OXCT1: variants seen among roughly 807,000 people sequenced by gnomAD.
The protein encoded by OXCT1 is 3-oxoacid CoA-transferase 1.
Under a neutral mutation model 69.6 loss-of-function variants are expected in OXCT1, and 27 were observed. That is an observed-to-expected ratio of 0.39 (90% CI 0.29 to 0.54). OXCT1 has a LOEUF of 0.54. Among genes scored for constraint, OXCT1 ranks in the 20% least tolerant of loss-of-function variants. The pLI is 0.72. For missense variants in OXCT1, 437 were observed against 650.2 expected, an observed-to-expected ratio of 0.67 and a Z score of 3.57; for synonymous variants, 202 against 217.8, an observed-to-expected ratio of 0.93 and a Z score of 0.64.
intron 2 of OXCT1, among the ~76,000 whole-genome samples, chr5:41,861,981 T>A (rs1749759239): frequency 6.6e-6 from 1 of 152,022 alleles, no homozygotes; most frequent in Admixed American, 6.6e-5. Context: ...GAGGCCAAGG[T>A]GGGCAGATGA....
intron 13 of OXCT1, among the ~76,000 whole-genome samples, chr5:41,791,332 T>C (rs1745904654): frequency 6.6e-6 from 1 of 152,206 alleles, no homozygotes; most frequent in African/African-American, 2.4e-5. Flanking sequence ...TCAACTAGAC[T>C]TCCATGATGT....
intron 11 of OXCT1, among the ~76,000 whole-genome samples, chr5:41,798,486 C>T (rs1377121042): frequency 1.3e-5 from 2 of 152,058 alleles, no homozygotes; most frequent in Non-Finnish European, 2.9e-5. Flanking sequence ...TGTTACTCCC[C>T]CAGGTGTGAC....
rs72746923 is a variant in OXCT1 at position 41,737,726 on chromosome 5, T to C, written c.1521+1664A>G. On this transcript the variant is annotated intron_variant, in intron 16 of 16. Coordinates refer to ENST00000196371, the MANE Select transcript of OXCT1 (RefSeq NM_000436.4). ...GGTAGAGTACCAGGAACAGTTATTA[T>C]ATGGATAATGAACTATGAAACAAAA... Among the ~76,000 whole-genome samples, 762 of 152,318 alleles carry C rather than the reference T, an allele frequency of 5.0e-3. 3 individuals carry two copies. The highest frequency in any genetic ancestry group is 7.8e-3 in the Non-Finnish European group (533 of 68,026).
rs1052631223 is a variant in OXCT1 at position 41,806,296 on chromosome 5, A to G, written c.841-615T>C. 2.6e-5 allele frequency among the ~76,000 whole-genome samples: 4 copies of G among 151,998 alleles called. No individual in the cohort carries two copies. In the South Asian group the frequency reaches 8.3e-4, roughly 32 times the overall value. The stretch of plus-strand genomic sequence containing the variant: ...GTATTATAAAATGTCTTCCTGTTTG[A>G]TATCTACAAGGTAGTGGGTATCTCT... On this transcript the variant is annotated intron_variant, in intron 8 of 16. Coordinates refer to ENST00000196371, the MANE Select transcript of OXCT1 (RefSeq NM_000436.4).
chr5:41,818,817 C>G (rs1370287753), intron 7 of OXCT1, among the ~76,000 whole-genome samples: 1 of 151,944 alleles, frequency 6.6e-6, no homozygotes, highest in Non-Finnish European at 1.5e-5. Context: ...ATATTTATCA[C>G]TTTTTCCCAC....
At chr5:41,800,975 G>A (rs1746392924) in intron 11 of OXCT1, 47 bp downstream of exon 11, 7 of 1,491,490 alleles carry the variant, frequency 4.7e-6, no homozygotes, top group Non-Finnish European at 6.5e-6. Context: ...TTATTATGTA[G>A]CACAAAATTA....
intron 7 of OXCT1, among the ~76,000 whole-genome samples, chr5:41,809,806 G>A (rs1746873202): frequency 6.6e-6 from 1 of 151,964 alleles, no homozygotes; most frequent in African/African-American, 2.4e-5. Flanking sequence ...AGAACTAACA[G>A]AATGAATATG....
rs370383856 is a variant in OXCT1 at position 41,738,971 on chromosome 5, G to A, written c.1521+419C>T. The stretch of plus-strand genomic sequence containing the variant: ...GATGAAATATGGCATAGAATTTAGA[G>A]AAAGTCATAAGTCATAGATGGGTTT... On this transcript the variant is annotated intron_variant, in intron 16 of 16. Coordinates refer to ENST00000196371, the MANE Select transcript of OXCT1 (RefSeq NM_000436.4). Among the ~76,000 whole-genome samples, 27 of 152,310 alleles carry A rather than the reference G, an allele frequency of 1.8e-4. No individual in the cohort carries two copies. The South Asian group carries it at 5.2e-3, about 29-fold the overall frequency.
In OXCT1 at chr5:41,870,329, C is replaced by A; in HGVS notation, c.30G>T (p.Gly10=). The A allele has an allele frequency of 6.2e-7, 1 of 1,613,892 alleles. No individual in the cohort carries two copies. The highest frequency in any genetic ancestry group is 8.5e-7 in the Non-Finnish European group (1 of 1,179,896). The stretch of plus-strand genomic sequence containing the variant: ...CGCGGGCAGAGGCGCAGAGCCGAAG[C>A]CCGGAGGAGAGGAGTTTGAGAGCCG... MAALKLLSS[G]LRLCASARGS... Residue 10 remains glycine, a synonymous_variant, in exon 1 of 17, where the codon GGG becomes GGT. Coordinates refer to ENST00000196371, the MANE Select transcript of OXCT1 (RefSeq NM_000436.4). The surrounding 1 kb of genome is among the most constrained non-coding windows in gnomAD (Gnocchi z 4.2).
intron 5 of OXCT1, chr5:41,843,643 T>C: frequency 2.2e-6 from 1 of 455,606 alleles, no homozygotes; most frequent in South Asian, 1.6e-5. Flanking sequence ...CCACACTCCA[T>C]CACTGCACAA....
chr5:41,835,331 T>G (rs1340800560), intron 7 of OXCT1, among the ~76,000 whole-genome samples: 2 of 152,194 alleles, frequency 1.3e-5, no homozygotes, highest in Non-Finnish European at 2.9e-5. Flanking sequence ...CTACTATGTA[T>G]CCACAAAAAT....
At chr5:41,820,916 CCAT>C (rs1303323199) in intron 7 of OXCT1, among the ~76,000 whole-genome samples, 1 of 152,148 alleles carries the variant, frequency 6.6e-6, no homozygotes, top group Non-Finnish European at 1.5e-5. Flanking sequence ...CAAACCACCA[CCAT>C]CAAGATCCCA....
chr5:41,762,321 G>A lies in OXCT1; in HGVS notation c.1249-121C>T. 2.5e-6 allele frequency: 2 copies of A among 810,872 alleles called. No individual in the cohort carries two copies. The highest frequency in any genetic ancestry group is 1.7e-5 in the African/African-American group (1 of 59,722). The allele number at this position is 810,872 out of a possible 1,614,324, so 50.2% of individuals were successfully genotyped here. A position where few individuals can be genotyped will look rare whatever the true frequency, so the allele number is the denominator to read the frequency against. On this transcript the variant is annotated intron_variant, in intron 13 of 16. Coordinates refer to ENST00000196371, the MANE Select transcript of OXCT1 (RefSeq NM_000436.4). The surrounding 1 kb of genome is among the most constrained non-coding windows in gnomAD (Gnocchi z 4.0). ...AAAACTCATTGTCCTTCATTGCTTA[G>A]TGCTTGAAGTTCTATAACCTAATAT...
intron 13 of OXCT1, among the ~76,000 whole-genome samples, chr5:41,772,913 T>A (rs1214323939): frequency 1.3e-5 from 2 of 152,078 alleles, no homozygotes; most frequent in Non-Finnish European, 2.9e-5. Flanking sequence ...ATGGAATGAG[T>A]CTCAGGTCTG....
At chr5:41,843,483 C>G in intron 5 of OXCT1, 5 of 453,188 alleles carry the variant, frequency 1.1e-5, no homozygotes, top group South Asian at 7.8e-5. Flanking sequence ...CATTACTGAT[C>G]TAGGGAATGC....
intron 3 of OXCT1, among the ~76,000 whole-genome samples, chr5:41,859,907 T>C (rs116098188): frequency 0.023 from 3,186 of 138,272 alleles, 70 homozygotes; most frequent in African/African-American, 0.042. Flanking sequence ...TATATATATA[T>C]ACACACACAC....
chr5:41,793,150 G>A (rs1411769595), intron 13 of OXCT1, among the ~76,000 whole-genome samples: 1 of 152,134 alleles, frequency 6.6e-6, no homozygotes, highest in Non-Finnish European at 1.5e-5. Context: ...AAAATTATTA[G>A]AAAACAAATT....
intron 3 of OXCT1, among the ~76,000 whole-genome samples, chr5:41,857,796 C>T (rs968579278): frequency 5.9e-5 from 9 of 152,200 alleles, no homozygotes; most frequent in African/African-American, 1.7e-4. Context: ...GTAAACTCCT[C>T]AACCACTCAG....
chr5:41,814,814 A>G (rs1238602887), intron 7 of OXCT1, among the ~76,000 whole-genome samples: 1 of 151,796 alleles, frequency 6.6e-6, no homozygotes, highest in Non-Finnish European at 1.5e-5. Flanking sequence ...AGCATGTCAC[A>G]TGTATACATA....
Sources: allele counts gnomAD v4.1 joint callset (sites outside exome capture counted in the v4.1 genomes callset), GRCh38; gene constraint gnomAD v4.1.1; non-coding constraint Gnocchi (gnomAD v3.1); transcripts MANE v1.5; gene names NCBI Gene and HGNC (gene_info 2026-07-23, HGNC 2026-07-21).